Variants in KLF8 observed in about 807,000 individuals in gnomAD.
The protein encoded by KLF8 is KLF transcription factor 8.
KLF8 carries 10 observed loss-of-function variants against 18.2 expected under a neutral mutation model. The ratio of observed to expected loss-of-function variants is 0.55; its 90% CI spans 0.34 to 0.93. The LOEUF (loss-of-function observed/expected upper bound fraction) is 0.93. Among genes scored for constraint, KLF8 ranks in the 40% least tolerant of loss-of-function variants. The pLI, the probability that KLF8 is intolerant of heterozygous loss-of-function variation, is 0.02. For missense variants in KLF8, 264 were observed against 277.9 expected, an observed-to-expected ratio of 0.95 and a Z score of 0.36; for synonymous variants, 109 against 97.3, an observed-to-expected ratio of 1.12 and a Z score of -0.71.
At chrX:56,102,833 T>A in the KLF8 span, among the ~76,000 whole-genome samples, 1 of 110,503 alleles carries the variant, frequency 9.0e-6, no homozygotes, top group Non-Finnish European at 1.9e-5. Flanking sequence ...ACATGTGACA[T>A]GTTGGTGTGC....
chrX:56,146,277 G>A, the KLF8 span, among the ~76,000 whole-genome samples: 1 of 111,705 alleles, frequency 9.0e-6, no homozygotes, highest in East Asian at 2.8e-4. Flanking sequence ...GTTTATTGTG[G>A]CACTGTTAAC....
At chrX:56,058,269 CATATATATACATATATATAT>C in the KLF8 span, among the ~76,000 whole-genome samples, 5 of 15,965 alleles carry the variant, frequency 3.1e-4, no homozygotes, top group Non-Finnish European at 5.8e-4. Context: ...CATATATATA[CATATATATACATATATATAT>C]ATATATATAT....
chrX:56,251,682 C>T (rs1236113235), intron 2 of KLF8, among the ~76,000 whole-genome samples: 2 of 110,294 alleles, frequency 1.8e-5, no homozygotes, highest in Non-Finnish European at 3.8e-5. Flanking sequence ...AGGCTGGTCT[C>T]GAACTCCTGA....
chrX:56,153,357 A>G, the KLF8 span, among the ~76,000 whole-genome samples: 1 of 104,602 alleles, frequency 9.6e-6, no homozygotes, highest in Non-Finnish European at 2.0e-5. Flanking sequence ...TCATCTCAAG[A>G]AAAAAAAAAA....
the KLF8 span, among the ~76,000 whole-genome samples, chrX:55,932,857 C>A: frequency 2.7e-5 from 3 of 111,394 alleles, no homozygotes; most frequent in Non-Finnish European, 5.6e-5. Context: ...TGAGGTTGCT[C>A]TTCTCGAGGA....
the KLF8 span, among the ~76,000 whole-genome samples, chrX:56,173,031 T>G: frequency 2.7e-5 from 3 of 111,690 alleles, no homozygotes; most frequent in African/African-American, 9.8e-5. Context: ...TGCAAAAATT[T>G]TCTCCCATTC....
chrX:56,037,717 G>A, the KLF8 span, among the ~76,000 whole-genome samples: 1,001 of 108,558 alleles, frequency 9.2e-3, 13 homozygotes, highest in Middle Eastern at 0.11. Flanking sequence ...TATTTATGGG[G>A]TACATGAGAT....
At chrX:56,154,762 AAAAC>A in the KLF8 span, among the ~76,000 whole-genome samples, 1 of 111,916 alleles carries the variant, frequency 8.9e-6, no homozygotes, top group African/African-American at 3.2e-5. Flanking sequence ...TTACAAGACA[AAAAC>A]AAACAACCCC....
At chrX:55,962,151 C>A in the KLF8 span, 1 of 151,959 alleles carries the variant, frequency 6.6e-6, no homozygotes, top group East Asian at 2.2e-4. Flanking sequence ...TAATCCTCCC[C>A]TCAATGGAGC....
At chrX:55,917,736 A>G in the KLF8 span, among the ~76,000 whole-genome samples, 1 of 111,896 alleles carries the variant, frequency 8.9e-6, no homozygotes, top group African/African-American at 3.3e-5. Flanking sequence ...GGGTCAGAAG[A>G]GGGCTGGCTT....
chrX:56,041,658 C>T, the KLF8 span, among the ~76,000 whole-genome samples: 1 of 89,414 alleles, frequency 1.1e-5, no homozygotes, highest in Non-Finnish European at 2.2e-5. Flanking sequence ...AAATTGAGAT[C>T]TCTCTAGTTT....
the KLF8 span, among the ~76,000 whole-genome samples, chrX:56,186,313 C>A: frequency 8.9e-6 from 1 of 111,778 alleles, no homozygotes; most frequent in East Asian, 2.8e-4. Flanking sequence ...ATCAATTCAA[C>A]AAGAACAGCT....
At chrX:56,036,609 G>A in the KLF8 span, among the ~76,000 whole-genome samples, 3 of 112,177 alleles carry the variant, frequency 2.7e-5, no homozygotes, top group Non-Finnish European at 5.6e-5. Flanking sequence ...AAGTTCAGCA[G>A]TGTGCTTCCT....
chrX:56,263,122 G>A (rs2066908838), intron 2 of KLF8, among the ~76,000 whole-genome samples: 1 of 111,713 alleles, frequency 9.0e-6, no homozygotes, highest in African/African-American at 3.3e-5. Flanking sequence ...GTTGATTTGG[G>A]GGATTCTGAG....
the KLF8 span, among the ~76,000 whole-genome samples, chrX:56,212,751 A>G: frequency 1.8e-5 from 2 of 112,126 alleles, no homozygotes; most frequent in African/African-American, 6.5e-5. Context: ...AGTTAAAACC[A>G]GGTACTATGA....
At chrX:55,984,484 A>C in the KLF8 span, among the ~76,000 whole-genome samples, 1 of 111,567 alleles carries the variant, frequency 9.0e-6, no homozygotes, top group African/African-American at 3.3e-5. Flanking sequence ...GTATATGTAC[A>C]TGGTGTATAT....
At chrX:56,219,952 A>G in the KLF8 span, among the ~76,000 whole-genome samples, 2 of 112,422 alleles carry the variant, frequency 1.8e-5, no homozygotes, top group Admixed American at 9.4e-5. Flanking sequence ...AAACAGGGAT[A>G]ATAACTCAGT....
At chrX:56,082,987 A>T in the KLF8 span, among the ~76,000 whole-genome samples, 1 of 112,022 alleles carries the variant, frequency 8.9e-6, no homozygotes, top group African/African-American at 3.2e-5. Flanking sequence ...TGGCACTTTG[A>T]ATATAATGTG....
the KLF8 span, among the ~76,000 whole-genome samples, chrX:56,148,519 A>G: frequency 8.0e-5 from 9 of 111,958 alleles, no homozygotes; most frequent in African/African-American, 2.9e-4. Flanking sequence ...GGAAAACATG[A>G]TAATGGCTCT....
Sources: allele counts gnomAD v4.1 joint callset (sites outside exome capture counted in the v4.1 genomes callset), GRCh38; gene constraint gnomAD v4.1.1; transcripts MANE v1.5; gene names NCBI Gene and HGNC (gene_info 2026-07-23, HGNC 2026-07-21).